RASGEF1C: variants seen among roughly 807,000 people sequenced by gnomAD.
The protein encoded by RASGEF1C is ras-GEF domain-containing family member 1C.
RASGEF1C carries 27 observed loss-of-function variants against 58.1 expected under a neutral mutation model. The ratio of observed to expected loss-of-function variants is 0.46; its 90% CI spans 0.34 to 0.64. RASGEF1C has a LOEUF of 0.64. Ranked by LOEUF, RASGEF1C falls within the 30% of genes least tolerant of loss-of-function variation. The pLI is 0.01. For synonymous variants in RASGEF1C, 243 were observed against 246.3 expected, an observed-to-expected ratio of 0.99 and a Z score of 0.13; for missense variants, 502 against 605.1, an observed-to-expected ratio of 0.83 and a Z score of 1.79.
intron 1 of RASGEF1C, among the ~76,000 whole-genome samples, chr5:180,201,943 G>A (rs550776169): frequency 2.0e-5 from 3 of 152,272 alleles, no homozygotes; most frequent in African/African-American, 7.2e-5. Flanking sequence ...TCTGTTGTTT[G>A]TAAACTAACC....
intron 1 of RASGEF1C, among the ~76,000 whole-genome samples, chr5:180,199,191 A>G (rs1379439185): frequency 6.6e-6 from 1 of 152,172 alleles, no homozygotes; most frequent in Non-Finnish European, 1.5e-5. Context: ...CAATTTTAAA[A>G]CAATTCTGAC....
At chr5:180,106,596 G>A (rs544891057) in intron 12 of RASGEF1C, among the ~76,000 whole-genome samples, 8 of 152,214 alleles carry the variant, frequency 5.3e-5, no homozygotes, top group South Asian at 2.1e-4. Context: ...TGATGCTACC[G>A]ATTATAATTT....
intron 1 of RASGEF1C, among the ~76,000 whole-genome samples, chr5:180,166,379 C>T (rs1767020553): frequency 6.6e-6 from 1 of 152,260 alleles, no homozygotes; most frequent in Non-Finnish European, 1.5e-5. Context: ...TGTATGTGTC[C>T]TTCCAGTATC....
rs981195843 is a variant in RASGEF1C at position 180,103,785 on chromosome 5, G to A, written c.1304-1642C>T. Among the ~76,000 whole-genome samples, 7 of 152,264 alleles carry A rather than the reference G, an allele frequency of 4.6e-5. No individual in the cohort carries two copies. The South Asian group carries it at 1.0e-3, about 23-fold the overall frequency. On this transcript the variant is annotated intron_variant, in intron 12 of 13. Coordinates refer to ENST00000361132, the MANE Select transcript of RASGEF1C (RefSeq NM_175062.4). ...TTACGAGGAAAGCATTAAATCTTCT[G>A]CTGTTAAATATAATGTTTGCAGAAG... is the stretch of plus-strand genomic sequence containing the variant.
intron 12 of RASGEF1C, among the ~76,000 whole-genome samples, chr5:180,109,228 G>T (rs552206737): frequency 6.6e-6 from 1 of 151,998 alleles, no homozygotes; most frequent in Non-Finnish European, 1.5e-5. Flanking sequence ...AGGCTGAGGC[G>T]GGTGGATCAT....
At chr5:180,173,856 T>C (rs1767162641) in intron 1 of RASGEF1C, among the ~76,000 whole-genome samples, 1 of 149,324 alleles carries the variant, frequency 6.7e-6, no homozygotes, top group South Asian at 2.1e-4. Flanking sequence ...GAGTTTGCAG[T>C]GAGCTGAGAT....
intron 1 of RASGEF1C, among the ~76,000 whole-genome samples, chr5:180,167,721 A>G (rs1767043165): frequency 6.6e-6 from 1 of 152,312 alleles, no homozygotes; most frequent in Non-Finnish European, 1.5e-5. Flanking sequence ...AGTGTTATCT[A>G]TCTGCTCATT....
chr5:180,150,530 TAAA>T (rs33925385), intron 1 of RASGEF1C, among the ~76,000 whole-genome samples: 76 of 150,352 alleles, frequency 5.1e-4, no homozygotes, highest in East Asian at 9.8e-4. Flanking sequence ...CCCCAGGGAT[TAAA>T]AAAAAAAAAA....
chr5:180,193,141 C>T (rs144941866), intron 1 of RASGEF1C, among the ~76,000 whole-genome samples: 9,034 of 145,002 alleles, frequency 0.062, 395 homozygotes, highest in East Asian at 0.2. Context: ...CTGCAAGCTC[C>T]ACCTCCCGGG....
intron 1 of RASGEF1C, among the ~76,000 whole-genome samples, chr5:180,161,195 C>G (rs1438403707): frequency 6.6e-6 from 1 of 152,200 alleles, no homozygotes; most frequent in African/African-American, 2.4e-5. Context: ...CCCCACAGCC[C>G]CCAGACTAGA....
intron 1 of RASGEF1C, among the ~76,000 whole-genome samples, chr5:180,149,865 A>T (rs781499562): frequency 1.3e-5 from 2 of 152,044 alleles, no homozygotes; most frequent in Admixed American, 6.6e-5. Flanking sequence ...GGTCTCTTTG[A>T]GTTTATCCTA....
In RASGEF1C at chr5:180,133,340, G is replaced by A. The variant is rs545916775; in HGVS notation, c.438+3038C>T. Among the ~76,000 whole-genome samples the A allele has an allele frequency of 9.8e-5, 15 of 152,348 alleles. No individual in the cohort carries two copies. The East Asian group carries it at 2.3e-3, about 24-fold the overall frequency. ...TGGAGCACAGCGACGACATGGGAGT[G>A]GGCGGGGGAAAGAGGAAGGTGCCAC... On this transcript the variant is annotated intron_variant, in intron 4 of 13. Transcript: ENST00000361132.
intron 1 of RASGEF1C, among the ~76,000 whole-genome samples, chr5:180,190,312 C>A (rs181498570): frequency 2.0e-5 from 3 of 151,534 alleles, no homozygotes; most frequent in African/African-American, 7.3e-5. Flanking sequence ...ACGGTGAAAC[C>A]CCGTCTCTAC....
intron 1 of RASGEF1C, among the ~76,000 whole-genome samples, chr5:180,183,734 A>T (rs1424834473): frequency 2.6e-5 from 4 of 151,566 alleles, no homozygotes; most frequent in Admixed American, 2.6e-4. Context: ...AAGGCAGGAG[A>T]ATCGCTTGAA....
intron 5 of RASGEF1C, 62 bp downstream of exon 5, chr5:180,128,348 A>T: frequency 6.9e-7 from 1 of 1,455,360 alleles, no homozygotes; most frequent in Non-Finnish European, 9.6e-7. Context: ...CAGGGAGGGC[A>T]CAGTGTATCT....
intron 3 of RASGEF1C, 105 bp from the exon 4 acceptor site, chr5:180,136,620 C>T (rs955218179): frequency 5.4e-6 from 7 of 1,306,182 alleles, no homozygotes; most frequent in African/African-American, 1.5e-5. Context: ...GGCAGGGCCT[C>T]GTGCCCTCTC....
chr5:180,109,868 A>G (rs1193429109), intron 12 of RASGEF1C, among the ~76,000 whole-genome samples: 1 of 152,042 alleles, frequency 6.6e-6, no homozygotes, highest in Non-Finnish European at 1.5e-5. Flanking sequence ...GCCCAGAGAA[A>G]CTCATTTCGG....
chr5:180,124,214 A>G (rs12520523), intron 6 of RASGEF1C, among the ~76,000 whole-genome samples: 2,818 of 145,370 alleles, frequency 0.019, 114 homozygotes, highest in African/African-American at 0.068. Flanking sequence ...CCTGGGCGAC[A>G]GAGCGAGACT....
chr5:180,128,625 G>T lies in RASGEF1C; in HGVS notation c.439-15C>A, dbSNP rs768803344. 2 of 1,611,792 alleles carry T rather than the reference G, an allele frequency of 1.2e-6. No individual in the cohort carries two copies. Among genetic ancestry groups the T allele is most frequent in the East Asian group, 4.5e-5 (2 of 44,856 alleles). On this transcript the variant is annotated splice_polypyrimidine_tract_variant and intron_variant, in intron 4 of 13. Coordinates refer to ENST00000361132, the MANE Select transcript of RASGEF1C (RefSeq NM_175062.4). ...TTCCGGTATGCCTGGTGGGTGGAAAGAAGGGCGCTCAGGACTGAACACTCA... is the reference window on the plus strand; with the variant it reads ...TTCCGGTATGCCTGGTGGGTGGAAATAAGGGCGCTCAGGACTGAACACTCA...
Sources: allele counts gnomAD v4.1 joint callset (sites outside exome capture counted in the v4.1 genomes callset), GRCh38; gene constraint gnomAD v4.1.1; transcripts MANE v1.5; gene names NCBI Gene and HGNC (gene_info 2026-07-23, HGNC 2026-07-21).